Variants in HSPA14 observed in about 807,000 individuals in gnomAD.
HSPA14 encodes heat shock 70 kDa protein 14.
A neutral mutation model predicts 65.5 loss-of-function variants in HSPA14; 37 were observed. The ratio of observed to expected loss-of-function variants is 0.56; its 90% confidence interval spans 0.43 to 0.74. HSPA14 has a LOEUF of 0.74. Among genes scored for constraint, HSPA14 ranks in the 30% least tolerant of loss-of-function variants. HSPA14 has a pLI of 0.00. For missense variants in HSPA14, 564 were observed against 607.6 expected (o/e 0.93, Z 0.75); for synonymous variants, 203 against 214.2 (o/e 0.95, Z 0.46).
intron 3 of HSPA14, among the ~76,000 whole-genome samples, 190 bp downstream of exon 3, chr10:14,840,347 G>A (rs1588804706): frequency 6.6e-6 from 1 of 152,124 alleles, no homozygotes; most frequent in South Asian, 2.1e-4. Flanking sequence ...TCTGATATGG[G>A]ATTCACTCAG....
Position 14,842,605 on chromosome 10 carries a change from C to A in HSPA14, c.221+2448C>A. Reference sequence around the variant, plus strand: ...TTCTCCGAAATCAGATAGTGACTGACCCAGACAACTTAATGGAGGATGCTG... The same window carrying A: ...TTCTCCGAAATCAGATAGTGACTGAACCAGACAACTTAATGGAGGATGCTG... On this transcript the variant is annotated intron_variant, in intron 3 of 13. Coordinates refer to ENST00000378372, the MANE Select transcript of HSPA14 (RefSeq NM_016299.4). The surrounding 1 kb of genome is among the most constrained non-coding windows in gnomAD (Gnocchi z 5.2). The A allele has an allele frequency of 1.3e-6, 2 of 1,536,128 alleles. No homozygotes were observed. The highest frequency in any genetic ancestry group is 1.7e-6 in the Non-Finnish European group (2 of 1,146,900).
Position 14,842,351 on chromosome 10 carries a change from A to G in HSPA14, c.221+2194A>G. 2.0e-6 allele frequency: 3 copies of G among 1,536,180 alleles called. No individual in the cohort carries two copies. The highest frequency in any genetic ancestry group is 2.6e-6 in the Non-Finnish European group (3 of 1,146,916). ...ACAGGAGACACGAACTCTTCTCTCC[A>G]TACTAGGCGAGGCAGAGTATATTCA... On this transcript the variant is annotated intron_variant, in intron 3 of 13. Transcript: ENST00000378372. This position sits in a 1 kb window ranked among gnomAD's most constrained non-coding sequence, Gnocchi z 5.2.
chr10:14,843,721 C>CTGAT, intron 3 of HSPA14: 1 of 1,538,050 alleles, frequency 6.5e-7, no homozygotes, highest in East Asian at 2.4e-5. Flanking sequence ...ACTGGACAGG[C>CTGAT]TGATTGCTAT....
chr10:14,863,892 G>A (rs1832778782), intron 10 of HSPA14, among the ~76,000 whole-genome samples: 1 of 152,062 alleles, frequency 6.6e-6, no homozygotes, highest in Admixed American at 6.6e-5. Flanking sequence ...TAGAATTATT[G>A]TTGTCATGAG....
chr10:14,854,263 T>C lies in HSPA14; in HGVS notation c.873T>C (p.Phe291=). ...FLDSLYEGQD[F]DCNVSRARFE... ...ACTCATTATATGAAGGTCAAGATTT[T>C]GATTGCAATGTGTCCAGGTAAAACT... Residue 291 remains phenylalanine (F), a synonymous_variant, in exon 9 of 14, where the codon TTT becomes TTC. Transcript: ENST00000378372. 6.2e-7 allele frequency: 1 copy of C among 1,607,272 alleles called. No individual in the cohort carries two copies. Among genetic ancestry groups the C allele is most frequent in the Non-Finnish European group, 8.5e-7 (1 of 1,178,232 alleles).
chr10:14,860,669 G>C (rs1471431117), intron 10 of HSPA14, among the ~76,000 whole-genome samples: 1 of 152,142 alleles, frequency 6.6e-6, no homozygotes, highest in Non-Finnish European at 1.5e-5. Context: ...CAGGGAGACG[G>C]TGGACAGAGG....
At position 14,848,855 on chromosome 10, in the gene HSPA14, C is replaced by T. The variant is rs745337056; in HGVS notation, c.336C>T (p.Asn112=). The T allele has an allele frequency of 6.3e-7, 1 of 1,590,124 alleles. No homozygotes were observed. The change falls in exon 5 of 14, where the codon AAC becomes AAT. Residue 112 remains asparagine, a synonymous_variant. Coordinates refer to ENST00000378372, the MANE Select transcript of HSPA14 (RefSeq NM_016299.4). ...CTGGAGAAGAAACAAAATTTGTTAA[C>T]CCAGAAGATGTTGCCAGACTGATAT... ...IDTGEETKFV[N]PEDVARLIFS...
At chr10:14,843,299 G>T in intron 3 of HSPA14, 1 of 1,532,248 alleles carries the variant, frequency 6.5e-7, no homozygotes. Context: ...ATTTGTCTCA[G>T]CTCTGCTGCT....
intron 13 of HSPA14, among the ~76,000 whole-genome samples, chr10:14,870,945 A>T (rs1191535615): frequency 6.6e-6 from 1 of 152,166 alleles, no homozygotes; most frequent in Non-Finnish European, 1.5e-5. Flanking sequence ...GTAATTTATC[A>T]ATTTCTAGTA....
Position 14,871,584 on chromosome 10 carries a change from T to A in HSPA14, c.1508T>A (p.Ile503Asn). ...TDQETGKCEA[I>N]SIEIAS ...CAAGAAACTGGAAAATGTGAAGCAA[T>A]CTCTATTGAGATAGCATCTTAGTGT... The change falls in exon 14 of 14, where the codon ATC (isoleucine) becomes AAC (asparagine). Residue 503 changes from isoleucine (I) to asparagine (N), a missense_variant. Physicochemically the swap from Ile to Asn is moderately radical, Grantham distance 149. Coordinates refer to ENST00000378372, the MANE Select transcript of HSPA14 (RefSeq NM_016299.4). 6.3e-7 allele frequency: 1 copy of A among 1,587,196 alleles called. No homozygotes were observed. Among genetic ancestry groups the A allele is most frequent in the Non-Finnish European group, 8.6e-7 (1 of 1,160,574 alleles).
chr10:14,842,860 A>C lies in HSPA14; in HGVS notation c.221+2703A>C, dbSNP rs1242468400. Reference sequence around the variant, plus strand: ...CCTCGGGTGCAGGTAACTCCCAAGCATGTGAAGGAGTTGGGTCCCAGAGTC... The same window carrying C: ...CCTCGGGTGCAGGTAACTCCCAAGCCTGTGAAGGAGTTGGGTCCCAGAGTC... On this transcript the variant is annotated intron_variant, in intron 3 of 13. Transcript: ENST00000378372. This position sits in a 1 kb window ranked among gnomAD's most constrained non-coding sequence, Gnocchi z 5.2. 1.3e-6 allele frequency: 2 copies of C among 1,502,392 alleles called. No individual in the cohort carries two copies. The allele number at this position is 1,502,392 out of a possible 1,614,324, so 93.1% of individuals were successfully genotyped here.
At chr10:14,845,167 TC>T (rs1184496187) in intron 3 of HSPA14, 2 of 985,302 alleles carry the variant, frequency 2.0e-6, no homozygotes, top group African/African-American at 1.7e-5. Context: ...AAGCCACACT[TC>T]CGATTTACTC....
At chr10:14,838,580 C>CCG in intron 1 of HSPA14, 121 bp downstream of exon 1, 1 of 968,638 alleles carries the variant, frequency 1.0e-6, no homozygotes, top group African/African-American at 1.7e-5. Context: ...AGTGGCGTTG[C>CCG]CGCGAGGACA....
In HSPA14 at chr10:14,848,913, T is replaced by C. The variant is rs761157024; in HGVS notation, c.376+18T>C. 3 of 1,222,648 alleles carry C rather than the reference T, an allele frequency of 2.5e-6. No homozygotes were observed. The highest frequency in any genetic ancestry group is 1.5e-5 in the African/African-American group (1 of 65,828). The allele number at this position is 1,222,648 out of a possible 1,614,324, so 75.7% of individuals were successfully genotyped here. A position where few individuals can be genotyped will look rare whatever the true frequency, so the allele number is the denominator to read the frequency against. On this transcript the variant is annotated intron_variant, in intron 5 of 13. Coordinates refer to ENST00000378372, the MANE Select transcript of HSPA14 (RefSeq NM_016299.4). ...AATGAAAGGTATTTAGCAAAAGATA[T>C]ATAATAGTTACCTTTAATGATCTTT...
intron 10 of HSPA14, among the ~76,000 whole-genome samples, chr10:14,860,934 C>T (rs1180937922): frequency 6.6e-6 from 1 of 152,082 alleles, no homozygotes; most frequent in Non-Finnish European, 1.5e-5. Flanking sequence ...GGGCATCTGG[C>T]ACCGGACCAG....
chr10:14,867,040 T>G (rs1564327022), intron 10 of HSPA14, 43 bp from the exon 11 acceptor site: 10 of 1,413,006 alleles, frequency 7.1e-6, no homozygotes, highest in Non-Finnish European at 1.0e-5. Flanking sequence ...AGACACAGCA[T>G]TCTTCTAAAA....
chr10:14,846,406 A>C, intron 3 of HSPA14: 1 of 985,436 alleles, frequency 1.0e-6, no homozygotes, highest in Non-Finnish European at 1.2e-6. Context: ...TGTGAAATTC[A>C]ATGGGTAAAG....
intron 3 of HSPA14, 29 bp downstream of exon 3, chr10:14,840,186 T>C: frequency 9.2e-7 from 1 of 1,086,806 alleles, no homozygotes; most frequent in Non-Finnish European, 1.3e-6. Flanking sequence ...CTTTTAAATA[T>C]GGTAATAGGA....
At chr10:14,853,529 C>G (rs1717915983) in intron 8 of HSPA14, among the ~76,000 whole-genome samples, 1 of 152,072 alleles carries the variant, frequency 6.6e-6, no homozygotes, top group Non-Finnish European at 1.5e-5. Flanking sequence ...AGAGTACAGT[C>G]TATTATTACA....
Sources: allele counts gnomAD v4.1 joint callset (sites outside exome capture counted in the v4.1 genomes callset), GRCh38; gene constraint gnomAD v4.1.1; non-coding constraint Gnocchi (gnomAD v3.1); transcripts MANE v1.5; gene names NCBI Gene and HGNC (gene_info 2026-07-23, HGNC 2026-07-21).